Variants in CCDC7 observed in about 807,000 individuals in gnomAD.
CCDC7 encodes coiled-coil domain-containing protein 7.
Under a neutral mutation model 196.9 loss-of-function variants are expected in CCDC7, and 183 were observed. The ratio of observed to expected loss-of-function variants is 0.93; its 90% CI spans 0.82 to 1.05. The LOEUF (loss-of-function observed/expected upper bound fraction) is 1.05, where lower values mean the gene tolerates loss of function less well. Ranked by LOEUF, CCDC7 falls within the 50% of genes least tolerant of loss-of-function variation. The probability of loss-of-function intolerance (pLI) is 0.00; values close to 1 mark genes in which losing one functional copy is unlikely to be tolerated. For missense variants in CCDC7, 1,540 were observed against 1,482.2 expected (o/e 1.04, Z -0.64); for synonymous variants, 525 against 484.6 (o/e 1.08, Z -1.10).
intron 28 of CCDC7, among the ~76,000 whole-genome samples, chr10:32,756,366 C>T (rs567425054): frequency 4.4e-4 from 67 of 152,308 alleles, no homozygotes; most frequent in South Asian, 4.1e-4. Context: ...AGAAAGGTCG[C>T]GTTACCCACA....
intron 21 of CCDC7, among the ~76,000 whole-genome samples, chr10:32,669,256 T>C (rs759212180): frequency 6.6e-6 from 1 of 152,164 alleles, no homozygotes; most frequent in African/African-American, 2.4e-5. Context: ...CACTTGATCA[T>C]GGTGAATTCT....
intron 5 of CCDC7, among the ~76,000 whole-genome samples, chr10:32,467,927 C>A (rs1234520891): frequency 6.6e-6 from 1 of 152,134 alleles, no homozygotes; most frequent in Non-Finnish European, 1.5e-5. Flanking sequence ...CTTCTCTATT[C>A]TGTTCCATTG....
intron 20 of CCDC7, among the ~76,000 whole-genome samples, chr10:32,659,661 T>A (rs2070803953): frequency 6.6e-6 from 1 of 152,118 alleles, no homozygotes; most frequent in Non-Finnish European, 1.5e-5. Flanking sequence ...CATTAAAAAG[T>A]GGGCAAAAGA....
intron 11 of CCDC7, among the ~76,000 whole-genome samples, chr10:32,523,023 A>G (rs1221794760): frequency 6.6e-6 from 1 of 150,722 alleles, no homozygotes; most frequent in South Asian, 2.1e-4. Context: ...GTCAGGGAAG[A>G]TGCTTGATAT....
chr10:32,559,453 C>T (rs1288014816), intron 13 of CCDC7, among the ~76,000 whole-genome samples: 1 of 152,216 alleles, frequency 6.6e-6, no homozygotes, highest in African/African-American at 2.4e-5. Context: ...CCTCACACGG[C>T]CGGGTACTCC....
chr10:32,559,215 G>A (rs1368008600), intron 13 of CCDC7, among the ~76,000 whole-genome samples: 2 of 152,226 alleles, frequency 1.3e-5, no homozygotes, highest in Non-Finnish European at 2.9e-5. Context: ...CTGCCTGCCT[G>A]CCTCTGTAGG....
chr10:32,621,834 C>T (rs1041089307), intron 18 of CCDC7, among the ~76,000 whole-genome samples: 3 of 152,108 alleles, frequency 2.0e-5, no homozygotes, highest in Non-Finnish European at 4.4e-5. Context: ...GACACCTGTC[C>T]ACATTGGTAA....
chr10:32,795,300 T>A (rs2083376453), intron 29 of CCDC7, among the ~76,000 whole-genome samples: 1 of 152,148 alleles, frequency 6.6e-6, no homozygotes, highest in African/African-American at 2.4e-5. Context: ...TATTTTCAAT[T>A]AGGTTTTCTT....
At chr10:32,816,810 G>C (rs965540601) in intron 31 of CCDC7, among the ~76,000 whole-genome samples, 1 of 151,930 alleles carries the variant, frequency 6.6e-6, no homozygotes, top group Non-Finnish European at 1.5e-5. Context: ...AAACACAAAG[G>C]ACATCCACAC....
chr10:32,862,355 G>A (rs887254376), intron 41 of CCDC7, among the ~76,000 whole-genome samples: 5 of 150,540 alleles, frequency 3.3e-5, no homozygotes, highest in African/African-American at 1.2e-4. Context: ...TTATAAGTGG[G>A]AGTTGAACAG....
chr10:32,575,666 T>C (rs1160544847), intron 16 of CCDC7, among the ~76,000 whole-genome samples: 1 of 152,146 alleles, frequency 6.6e-6, no homozygotes, highest in African/African-American at 2.4e-5. Flanking sequence ...TGTATACCAA[T>C]GTAGCTGGTA....
At chr10:32,622,273 C>T (rs551066090) in intron 18 of CCDC7, among the ~76,000 whole-genome samples, 12 of 152,128 alleles carry the variant, frequency 7.9e-5, no homozygotes, top group Non-Finnish European at 1.5e-4. Flanking sequence ...CTAGTTTTAG[C>T]TACCCTGTCT....
rs375917547 is a variant in CCDC7 at position 32,451,691 on chromosome 10, G to A, written c.49G>A (p.Val17Ile). The A allele has an allele frequency of 4.3e-6, 7 of 1,612,598 alleles. No homozygotes were observed. The East Asian group carries it at 8.9e-5, about 21-fold the overall frequency. ...GACCACCAGTAACAAATCGGCAAAT[G>A]TTCCAGCATTAACTACTAAAAAAGG... Residue 17 changes from valine to isoleucine, a missense_variant, in exon 1 of 42, where the codon GTT becomes ATT. Val to Ile is a conservative substitution (Grantham distance 29). Transcript: ENST00000639629.
intron 28 of CCDC7, among the ~76,000 whole-genome samples, chr10:32,759,045 A>C: frequency 6.6e-6 from 1 of 152,190 alleles, no homozygotes. Flanking sequence ...AGGGATGTGA[A>C]GGACCTCTTC....
At chr10:32,706,238 G>A (rs1320833228) in intron 24 of CCDC7, among the ~76,000 whole-genome samples, 2 of 152,080 alleles carry the variant, frequency 1.3e-5, no homozygotes, top group Non-Finnish European at 2.9e-5. Context: ...ATAATGAAAT[G>A]AAGGCAGAAA....
At chr10:32,557,885 G>A (rs909616162) in intron 13 of CCDC7, among the ~76,000 whole-genome samples, 31 of 152,138 alleles carry the variant, frequency 2.0e-4, no homozygotes, top group Admixed American at 9.8e-4. Flanking sequence ...TAGACATAGT[G>A]TCTTGCTATG....
rs560344731 is a variant in CCDC7, at chr10:32,457,119, G to A, written c.456+785G>A. ...TCCTATCTAGCTGTAATTTTTTATC[G>A]TTTAACCAACCTCTCCCTATCCTCC... On this transcript the variant is annotated intron_variant, in intron 3 of 41. Coordinates refer to ENST00000639629, the Ensembl canonical transcript of CCDC7. Among the ~76,000 whole-genome samples the A allele has an allele frequency of 7.2e-4, 109 of 151,576 alleles. No homozygotes were observed. In the Middle Eastern group the frequency reaches 0.014, roughly 19 times the overall value.
intron 5 of CCDC7, among the ~76,000 whole-genome samples, chr10:32,468,075 T>C (rs1054270901): frequency 6.6e-6 from 1 of 152,198 alleles, no homozygotes; most frequent in Non-Finnish European, 1.5e-5. Context: ...TGGGCTCTTT[T>C]TTGGTTCCAA....
chr10:32,503,311 G>T (rs1205627623), intron 9 of CCDC7, among the ~76,000 whole-genome samples: 2 of 152,060 alleles, frequency 1.3e-5, no homozygotes, highest in Admixed American at 6.6e-5. Context: ...TTATATTAAG[G>T]TACATTCCTT....
Sources: allele counts gnomAD v4.1 joint callset (sites outside exome capture counted in the v4.1 genomes callset), GRCh38; gene constraint gnomAD v4.1.1; transcripts MANE v1.5; gene names NCBI Gene and HGNC (gene_info 2026-07-23, HGNC 2026-07-21).